PCDH15: variants seen among roughly 807,000 people sequenced by gnomAD.
The protein encoded by PCDH15 is protocadherin related 15.
Under a neutral mutation model 178.5 loss-of-function variants are expected in PCDH15, and 129 were observed. That is an observed-to-expected ratio of 0.72 (90% CI 0.63 to 0.84). PCDH15 has a LOEUF of 0.84. Ranked by LOEUF, PCDH15 falls within the 40% of genes least tolerant of loss-of-function variation. PCDH15 has a pLI of 0.00. For synonymous variants in PCDH15, 800 were observed against 732.0 expected (o/e 1.09, Z -1.50); for missense variants, 2,230 against 2,099.9 (o/e 1.06, Z -1.21).
chr10:55,231,459 C>T (rs1841221418), intron 1 of PCDH15, among the ~76,000 whole-genome samples: 1 of 151,944 alleles, frequency 6.6e-6, no homozygotes. Flanking sequence ...GGCCACTAAG[C>T]TAATCCTTTG....
chr10:55,260,977 C>T (rs2132234879), intron 1 of PCDH15, among the ~76,000 whole-genome samples: 1 of 152,018 alleles, frequency 6.6e-6, no homozygotes, highest in African/African-American at 2.4e-5. Context: ...GGCTTGTTAG[C>T]TTTTTTTCTA....
intron 25 of PCDH15, 96 bp downstream of exon 25, chr10:53,938,719 C>T (rs769566014): frequency 1.6e-6 from 2 of 1,289,178 alleles, no homozygotes; most frequent in Non-Finnish European, 2.2e-6. Flanking sequence ...TCTATGTTGT[C>T]CACTGAGAAT....
chr10:54,187,414 TATA>T (rs1457141585), intron 11 of PCDH15, among the ~76,000 whole-genome samples: 2 of 151,946 alleles, frequency 1.3e-5, no homozygotes, highest in African/African-American at 2.4e-5. Context: ...GTGACTGTAG[TATA>T]ATATGTTTGT....
At chr10:55,381,728 G>A (rs1837537725) in intron 2 of PCDH15, among the ~76,000 whole-genome samples, 2 of 152,140 alleles carry the variant, frequency 1.3e-5, no homozygotes, top group African/African-American at 4.8e-5. Context: ...CAGAAGCACA[G>A]ATGGTATTGC....
intron 2 of PCDH15, among the ~76,000 whole-genome samples, chr10:55,529,987 TA>T (rs1238845657): frequency 2.0e-5 from 3 of 151,266 alleles, no homozygotes; most frequent in Non-Finnish European, 3.0e-5. Flanking sequence ...TTTTAAAGCA[TA>T]AAAAAACAAT....
intron 32 of PCDH15, chr10:53,822,242 A>C: frequency 6.2e-7 from 1 of 1,613,912 alleles, no homozygotes; most frequent in Non-Finnish European, 8.5e-7. Flanking sequence ...AAGGAGGTGG[A>C]GGGCAAGGAA....
rs568766299 is a variant in PCDH15, at chr10:55,063,668, GAACC to G, written c.-80+102904_-80+102907del. On this transcript the variant is annotated intron_variant, in intron 2 of 5. Transcript: ENST00000458638. ...TAATTGGCAGGTTTACTGAAAAGTA[GAACC>G]AACAGATACGCATAAACATTATAAA... Among the ~76,000 whole-genome samples, 269 of 152,188 alleles carry G rather than the reference GAACC, an allele frequency of 1.8e-3. 1 individual carries two copies. Among genetic ancestry groups the G allele is most frequent in the African/African-American group, 6.4e-3 (266 of 41,554 alleles).
intron 2 of PCDH15, among the ~76,000 whole-genome samples, chr10:55,054,153 T>A (rs1841233802): frequency 6.6e-6 from 1 of 152,150 alleles, no homozygotes; most frequent in Non-Finnish European, 1.5e-5. Context: ...TAAATCCTAC[T>A]CATGTACTGT....
intron 1 of PCDH15, among the ~76,000 whole-genome samples, chr10:54,732,807 A>C (rs1471247206): frequency 6.6e-6 from 1 of 151,598 alleles, no homozygotes; most frequent in African/African-American, 2.4e-5. Flanking sequence ...CAAATTGAAT[A>C]TGGCAATATA....
At chr10:54,905,412 T>C (rs1954702485) in intron 2 of PCDH15, among the ~76,000 whole-genome samples, 1 of 152,160 alleles carries the variant, frequency 6.6e-6, no homozygotes, top group South Asian at 2.1e-4. Context: ...AATTATGAGA[T>C]AAATTCAGCT....
chr10:54,534,392 C>T (rs1302623204), intron 2 of PCDH15, among the ~76,000 whole-genome samples: 1 of 152,022 alleles, frequency 6.6e-6, no homozygotes, highest in Non-Finnish European at 1.5e-5. Flanking sequence ...GCTAGATATA[C>T]TCTGATGGAT....
intron 29 of PCDH15, among the ~76,000 whole-genome samples, chr10:53,836,651 T>C (rs534041847): frequency 6.6e-6 from 1 of 152,306 alleles, no homozygotes; most frequent in South Asian, 2.1e-4. Flanking sequence ...ACAGAGTAAA[T>C]GTCTGTAATG....
intron 3 of PCDH15, among the ~76,000 whole-genome samples, chr10:54,514,017 G>A (rs1011434213): frequency 6.6e-6 from 1 of 152,100 alleles, no homozygotes; most frequent in Admixed American, 6.6e-5. Flanking sequence ...GTATTCACAG[G>A]CTTACAAAAT....
chr10:55,315,761 C>T (rs1445172623), intron 1 of PCDH15, among the ~76,000 whole-genome samples: 1 of 152,088 alleles, frequency 6.6e-6, no homozygotes, highest in Non-Finnish European at 1.5e-5. Context: ...CTCCTGCCTG[C>T]AATCCCAGCG....
intron 30 of PCDH15, among the ~76,000 whole-genome samples, chr10:53,830,790 G>A (rs1011929077): frequency 2.6e-5 from 4 of 152,144 alleles, no homozygotes; most frequent in Non-Finnish European, 4.4e-5. Flanking sequence ...AAAGCACCCA[G>A]GAAGGAAGAA....
At chr10:53,843,993 GT>G (rs1419090662) in intron 28 of PCDH15, among the ~76,000 whole-genome samples, 6 of 152,046 alleles carry the variant, frequency 3.9e-5, no homozygotes, top group Non-Finnish European at 8.8e-5. Flanking sequence ...TGGTAAAAGT[GT>G]TCAGAATAAA....
intron 18 of PCDH15, among the ~76,000 whole-genome samples, chr10:54,029,588 T>C (rs2093230106): frequency 6.6e-6 from 1 of 152,162 alleles, no homozygotes; most frequent in Non-Finnish European, 1.5e-5. Context: ...GCAAACCTTA[T>C]TCATTAACAC....
At chr10:55,077,109 T>G (rs141113732) in intron 2 of PCDH15, among the ~76,000 whole-genome samples, 205 of 151,744 alleles carry the variant, frequency 1.4e-3, no homozygotes, top group African/African-American at 4.6e-3. Context: ...CTCCTTTTTT[T>G]TTTTGGTTTT....
At chr10:54,518,624 C>T (rs909719211) in intron 3 of PCDH15, among the ~76,000 whole-genome samples, 4 of 152,162 alleles carry the variant, frequency 2.6e-5, no homozygotes, top group African/African-American at 4.8e-5. Flanking sequence ...CCGAATTCTA[C>T]CAGAGGTACA....
Sources: allele counts gnomAD v4.1 joint callset (sites outside exome capture counted in the v4.1 genomes callset), GRCh38; gene constraint gnomAD v4.1.1; transcripts MANE v1.5; gene names NCBI Gene and HGNC (gene_info 2026-07-23, HGNC 2026-07-21).